Variants in HOMER2 observed in about 807,000 individuals in gnomAD.
HOMER2 encodes the protein homer scaffold protein 2.
HOMER2 carries 27 observed loss-of-function variants against 47.0 expected under a neutral mutation model. The observed-to-expected ratio is 0.57, with a 90% CI of 0.42 to 0.79. The LOEUF (loss-of-function observed/expected upper bound fraction) is 0.79. HOMER2 is among the 30% of genes least tolerant of loss of function. The pLI is 0.00. For synonymous variants in HOMER2, 161 were observed against 163.8 expected (o/e 0.98, Z 0.13); for missense variants, 443 against 435.0 (o/e 1.02, Z -0.16).
intron 1 of HOMER2, among the ~76,000 whole-genome samples, chr15:82,914,378 TAAAAA>T (rs755003013): frequency 9.2e-6 from 1 of 108,948 alleles, no homozygotes; most frequent in Admixed American, 9.6e-5. Flanking sequence ...ACTCCATCTT[TAAAAA>T]AAAAAAAAAA....
At chr15:82,977,596 T>G (rs2030249528) in intron 1 of HOMER2, among the ~76,000 whole-genome samples, 1 of 152,188 alleles carries the variant, frequency 6.6e-6, no homozygotes, top group Non-Finnish European at 1.5e-5. Context: ...AAACATCTCT[T>G]CACTGCCTGA....
In HOMER2 at chr15:82,854,651, C is replaced by T. The variant is rs1028360174; in HGVS notation, c.644G>A (p.Arg215His). Residue 215 changes from arginine to histidine, a missense_variant, in exon 6 of 9, where the codon CGC (arginine) becomes CAC (histidine). Coordinates refer to ENST00000450735, the MANE Select transcript of HOMER2 (RefSeq NM_004839.4). ...TGCATCCACCGTACCCACCTTGTTG[C>T]GGAGCCGGTCATTCTCATCACGGCA... ...SICRDENDRL[R>H]NKIDELEEQC... 41 of 1,611,670 alleles carry T rather than the reference C, an allele frequency of 2.5e-5. No individual in the cohort carries two copies. Among genetic ancestry groups the T allele is most frequent in the Non-Finnish European group, 3.4e-5 (40 of 1,179,300 alleles).
intron 1 of HOMER2, among the ~76,000 whole-genome samples, chr15:82,966,704 G>T (rs1024282379): frequency 6.6e-6 from 1 of 152,210 alleles, no homozygotes; most frequent in Non-Finnish European, 1.5e-5. Context: ...GATTTCAGTG[G>T]TCTCACTGGC....
At chr15:82,894,577 A>T (rs1196145530) in intron 1 of HOMER2, among the ~76,000 whole-genome samples, 1 of 151,758 alleles carries the variant, frequency 6.6e-6, no homozygotes, top group African/African-American at 2.4e-5. Context: ...AGGCTGAGGC[A>T]GAAGAATGGC....
chr15:82,862,976 C>G (rs2051841781), intron 4 of HOMER2, among the ~76,000 whole-genome samples: 1 of 152,094 alleles, frequency 6.6e-6, no homozygotes, highest in African/African-American at 2.4e-5. Flanking sequence ...GGAATTTCTC[C>G]CTCCCTGTCA....
intron 6 of HOMER2, among the ~76,000 whole-genome samples, chr15:82,853,580 C>G (rs761764189): frequency 1.2e-4 from 19 of 152,150 alleles, no homozygotes; most frequent in Non-Finnish European, 2.8e-4. Flanking sequence ...TAAATGGGAC[C>G]TGTCCCCCTA....
At chr15:82,840,050 TAA>T (rs1209326090) in exon 2 of HOMER2, 2 of 151,996 alleles carry the variant, frequency 1.3e-5, no homozygotes, top group East Asian at 3.9e-4. Context: ...CAGTAAAAAA[TAA>T]AGTCAAATCT....
At position 82,849,867 on chromosome 15, in the gene HOMER2, C is replaced by G. The variant is rs2051332629; in HGVS notation, c.880G>C (p.Val294Leu). Residue 294 changes from valine to leucine, a missense_variant, in exon 9 of 9, where the codon GTG becomes CTG. Val to Leu is a conservative substitution (Grantham distance 32, BLOSUM62 1). Transcript: ENST00000450735. ...ERDNQNLEDK[V>L]RSLKTDIEES... ...TCAATGTCTGTCTTTAAGGAACGCA[C>G]TTTGTCTTCCAGGTTTTGATTGTCT... 4.3e-6 allele frequency: 7 copies of G among 1,613,974 alleles called. No homozygotes were observed. The highest frequency in any genetic ancestry group is 1.1e-5 in the South Asian group (1 of 91,054).
At chr15:82,905,714 T>C (rs2151135320) in intron 1 of HOMER2, among the ~76,000 whole-genome samples, 1 of 152,304 alleles carries the variant, frequency 6.6e-6, no homozygotes, top group East Asian at 1.9e-4. Flanking sequence ...TTTTGTACTC[T>C]GAGAAATTAT....
intron 1 of HOMER2, among the ~76,000 whole-genome samples, chr15:82,935,390 G>C (rs1292269798): frequency 6.6e-6 from 1 of 152,008 alleles, no homozygotes; most frequent in Non-Finnish European, 1.5e-5. Context: ...TATCTTCTCT[G>C]CTGGCTCTTC....
exon 2 of HOMER2, chr15:82,838,501 T>C (rs1185725161): frequency 3.3e-5 from 5 of 152,318 alleles, no homozygotes; most frequent in Non-Finnish European, 5.9e-5. Flanking sequence ...AATGAAGTCA[T>C]TGTGGCGCCA....
At chr15:82,893,201 ATTT>A (rs899770037) in intron 1 of HOMER2, among the ~76,000 whole-genome samples, 1 of 152,032 alleles carries the variant, frequency 6.6e-6, no homozygotes, top group Non-Finnish European at 1.5e-5. Context: ...ACTTTTTAGA[ATTT>A]TTGTGACAAA....
intron 2 of HOMER2, among the ~76,000 whole-genome samples, chr15:82,877,701 C>G (rs2052394516): frequency 6.6e-6 from 1 of 152,174 alleles, no homozygotes; most frequent in South Asian, 2.1e-4. Flanking sequence ...CTTTTCCTTT[C>G]TTTATAATAA....
intron 1 of HOMER2, among the ~76,000 whole-genome samples, chr15:82,931,416 C>T (rs2054007057): frequency 6.6e-6 from 1 of 152,016 alleles, no homozygotes; most frequent in South Asian, 2.1e-4. Flanking sequence ...ATGGGAGAAG[C>T]CAAGGAGTAG....
At chr15:82,920,760 A>G (rs567183534) in intron 1 of HOMER2, among the ~76,000 whole-genome samples, 39 of 152,256 alleles carry the variant, frequency 2.6e-4, no homozygotes, top group African/African-American at 9.1e-4. Context: ...ACCCTTTAAC[A>G]TATACGGTAA....
Position 82,854,665 on chromosome 15 carries a change from C to A in HOMER2, c.630G>T (p.Glu210Asp). ...WKRQFSICRD[E>D]NDRLRNKIDE... ...CCACCTTGTTGCGGAGCCGGTCATT[C>A]TCATCACGGCAGATGGAGAACTGCC... is the stretch of plus-strand genomic sequence containing the variant. The change falls in exon 6 of 9, where the codon GAG (glutamate) becomes GAT (aspartate). Residue 210 changes from glutamate to aspartate, a missense_variant. Transcript: ENST00000450735. 1 of 1,612,878 alleles carries A rather than the reference C, an allele frequency of 6.2e-7. No homozygotes were observed. Among genetic ancestry groups the A allele is most frequent in the Non-Finnish European group, 8.5e-7 (1 of 1,179,730 alleles).
rs1199259907 is a variant in HOMER2, at chr15:82,951,996, G to A, written c.5+535C>T. ...TGAGCATCTACTCAGTTGTTTCAAAGACTGAAGCCTCACCTAGGTTCCTTA... is the reference window on the plus strand; with the variant it reads ...TGAGCATCTACTCAGTTGTTTCAAAAACTGAAGCCTCACCTAGGTTCCTTA... On this transcript the variant is annotated intron_variant, in intron 1 of 8. Transcript: ENST00000450735. 26 of 962,374 alleles carry A rather than the reference G, an allele frequency of 2.7e-5. 1 individual carries two copies. The South Asian group carries it at 1.2e-3, about 44-fold the overall frequency. 59.6% of individuals were successfully genotyped at this position (962,374 alleles called of 1,614,324 possible).
At chr15:82,898,134 C>A (rs1354686736) in intron 1 of HOMER2, among the ~76,000 whole-genome samples, 2 of 152,194 alleles carry the variant, frequency 1.3e-5, no homozygotes, top group Non-Finnish European at 2.9e-5. Flanking sequence ...AACTGAACAA[C>A]AAATCTTAAC....
intron 5 of HOMER2, 119 bp from the exon 6 acceptor site, chr15:82,854,919 C>A: frequency 8.4e-7 from 1 of 1,194,020 alleles, no homozygotes; most frequent in Non-Finnish European, 1.2e-6. Context: ...ACGCCCTCTC[C>A]CCACAGTAAG....
Sources: allele counts gnomAD v4.1 joint callset (sites outside exome capture counted in the v4.1 genomes callset), GRCh38; gene constraint gnomAD v4.1.1; transcripts MANE v1.5; gene names NCBI Gene and HGNC (gene_info 2026-07-23, HGNC 2026-07-21).